Variants in SGCZ observed in about 807,000 individuals in gnomAD.
SGCZ encodes zeta-sarcoglycan.
In SGCZ, 40 loss-of-function variants were observed where a neutral mutation model predicts 41.3. The observed-to-expected ratio is 0.97, with a 90% CI of 0.75 to 1.26. The LOEUF (loss-of-function observed/expected upper bound fraction) is 1.26. Ranked by LOEUF, SGCZ falls within the 50% of genes most tolerant of loss-of-function variation. SGCZ has a pLI of 0.00. For missense variants in SGCZ, 552 were observed against 369.8 expected (o/e 1.49, Z -4.04); for synonymous variants, 206 against 137.5 (o/e 1.50, Z -3.49).
intron 1 of SGCZ, among the ~76,000 whole-genome samples, chr8:14,813,974 T>G (rs1221574331): frequency 1.3e-5 from 2 of 151,920 alleles, no homozygotes; most frequent in Non-Finnish European, 2.9e-5. Flanking sequence ...AGCAAATAAG[T>G]AAATAAAAAC....
In SGCZ at chr8:14,705,495, A is replaced by G. The variant is rs561216120; in HGVS notation, c.40-150569T>C. Among the ~76,000 whole-genome samples the G allele has an allele frequency of 3.3e-5, 5 of 152,120 alleles. 1 individual carries two copies. The South Asian group carries it at 1.0e-3, about 31-fold the overall frequency. On this transcript the variant is annotated intron_variant, in intron 1 of 7. Coordinates refer to ENST00000382080, the MANE Select transcript of SGCZ (RefSeq NM_139167.4). ...AATGCCTGCCATATAAGAAAAATAG[A>G]GTATTACTGCATTGCAAACCTTGTC...
At chr8:15,136,224 C>A (rs1410326109) in intron 1 of SGCZ, among the ~76,000 whole-genome samples, 2 of 152,106 alleles carry the variant, frequency 1.3e-5, no homozygotes, top group African/African-American at 4.8e-5. Flanking sequence ...TGCTCAGGAT[C>A]ATTTTGTATG....
chr8:14,113,547 T>A (rs761675839), intron 5 of SGCZ, among the ~76,000 whole-genome samples: 1 of 151,986 alleles, frequency 6.6e-6, no homozygotes, highest in Non-Finnish European at 1.5e-5. Context: ...AGTTTTCTCC[T>A]TTTGTTTTTT....
chr8:14,794,562 C>T (rs1292526079), intron 1 of SGCZ, among the ~76,000 whole-genome samples: 1 of 151,992 alleles, frequency 6.6e-6, no homozygotes. Flanking sequence ...ATAAGAGAAC[C>T]AGCTCAGGAA....
At chr8:14,226,952 C>G (rs1806393370) in intron 4 of SGCZ, among the ~76,000 whole-genome samples, 1 of 152,054 alleles carries the variant, frequency 6.6e-6, no homozygotes, top group South Asian at 2.1e-4. Flanking sequence ...TGGTCAATTT[C>G]TTAATGTGTA....
intron 1 of SGCZ, among the ~76,000 whole-genome samples, chr8:15,069,338 T>C (rs908735825): frequency 1.3e-5 from 2 of 152,182 alleles, no homozygotes; most frequent in African/African-American, 4.8e-5. Context: ...CTACCCACAA[T>C]GCAAAGTTTT....
intron 1 of SGCZ, among the ~76,000 whole-genome samples, chr8:15,112,052 A>G (rs1236618824): frequency 6.6e-6 from 1 of 152,142 alleles, no homozygotes; most frequent in South Asian, 2.1e-4. Context: ...TATGAGCACT[A>G]TCTCACTGTT....
At chr8:14,288,863 C>T (rs1800740508) in intron 3 of SGCZ, among the ~76,000 whole-genome samples, 1 of 152,082 alleles carries the variant, frequency 6.6e-6, no homozygotes, top group Admixed American at 6.6e-5. Context: ...AAAATGTTTT[C>T]CATGGGGCTG....
chr8:15,093,061 A>G (rs1275047139), intron 1 of SGCZ, among the ~76,000 whole-genome samples: 1 of 152,200 alleles, frequency 6.6e-6, no homozygotes, highest in East Asian at 1.9e-4. Context: ...GTCCATTATC[A>G]TAGAAACACA....
intron 1 of SGCZ, among the ~76,000 whole-genome samples, chr8:14,772,527 A>C: frequency 6.8e-6 from 1 of 147,938 alleles, no homozygotes; most frequent in Non-Finnish European, 1.5e-5. Flanking sequence ...TGCTGCACCC[A>C]TTAACTCATC....
chr8:14,630,746 T>C (rs1806621030), intron 1 of SGCZ, among the ~76,000 whole-genome samples: 1 of 151,592 alleles, frequency 6.6e-6, no homozygotes, highest in African/African-American at 2.4e-5. Flanking sequence ...CTGGAAACCA[T>C]CATTCTGAGC....
intron 1 of SGCZ, among the ~76,000 whole-genome samples, chr8:15,027,499 T>C (rs1219526649): frequency 6.6e-6 from 1 of 152,124 alleles, no homozygotes; most frequent in African/African-American, 2.4e-5. Context: ...TGAATGTACA[T>C]TCTGAGTAAA....
chr8:14,417,605 A>G (rs193067515), intron 2 of SGCZ, among the ~76,000 whole-genome samples: 16 of 151,978 alleles, frequency 1.1e-4, no homozygotes, highest in African/African-American at 3.6e-4. Flanking sequence ...GTCACATAGA[A>G]GTAATATTTA....
intron 1 of SGCZ, among the ~76,000 whole-genome samples, chr8:15,001,780 A>G (rs1449912475): frequency 6.6e-6 from 1 of 151,144 alleles, no homozygotes; most frequent in South Asian, 2.1e-4. Context: ...TGTAATAATG[A>G]TTAATATTTA....
At chr8:14,173,948 A>C (rs1282719414) in intron 4 of SGCZ, among the ~76,000 whole-genome samples, 1 of 152,142 alleles carries the variant, frequency 6.6e-6, no homozygotes, top group Non-Finnish European at 1.5e-5. Flanking sequence ...TTTTAATAAG[A>C]TATTAGAATG....
chr8:14,841,655 G>C (rs1802919070), intron 1 of SGCZ, among the ~76,000 whole-genome samples: 1 of 152,156 alleles, frequency 6.6e-6, no homozygotes, highest in Non-Finnish European at 1.5e-5. Context: ...CAAGAGTTGT[G>C]TTATGAGTGC....
intron 1 of SGCZ, among the ~76,000 whole-genome samples, chr8:15,012,378 A>G (rs1199897988): frequency 6.6e-6 from 1 of 150,802 alleles, no homozygotes; most frequent in Non-Finnish European, 1.5e-5. Flanking sequence ...TGAGAGGATC[A>G]CTTGACCCCA....
At chr8:14,855,673 T>C (rs1803524091) in intron 1 of SGCZ, among the ~76,000 whole-genome samples, 1 of 152,206 alleles carries the variant, frequency 6.6e-6, no homozygotes, top group Non-Finnish European at 1.5e-5. Flanking sequence ...GTGGTTGTAT[T>C]ATTGCAAATG....
chr8:14,168,946 A>G (rs185759916), intron 4 of SGCZ, among the ~76,000 whole-genome samples: 181 of 152,250 alleles, frequency 1.2e-3, no homozygotes, highest in Middle Eastern at 3.4e-3. Flanking sequence ...CCTCATAACA[A>G]TCATGGGAGG....
Sources: allele counts gnomAD v4.1 joint callset (sites outside exome capture counted in the v4.1 genomes callset), GRCh38; gene constraint gnomAD v4.1.1; transcripts MANE v1.5; gene names NCBI Gene and HGNC (gene_info 2026-07-23, HGNC 2026-07-21).